The following MANBA variants were observed in gnomAD, a reference collection of about 807,000 sequenced individuals.
MANBA encodes beta-mannosidase.
In MANBA, 83 loss-of-function variants were observed where a neutral mutation model predicts 111.1. That is an observed-to-expected ratio of 0.75 (90% CI 0.63 to 0.90). The LOEUF (loss-of-function observed/expected upper bound fraction) is 0.90, where lower values mean the gene tolerates loss of function less well. Among genes scored for constraint, MANBA ranks in the 40% least tolerant of loss-of-function variants. The pLI is 0.00. For synonymous variants in MANBA, 370 were observed against 378.7 expected (o/e 0.98, Z 0.27); for missense variants, 1,036 against 1,069.0 (o/e 0.97, Z 0.43).
chr4:102,677,717 A>G (rs1731787886), intron 7 of MANBA, among the ~76,000 whole-genome samples: 2 of 152,186 alleles, frequency 1.3e-5, no homozygotes, highest in African/African-American at 4.8e-5. Context: ...GAAACAACAT[A>G]TTGCAAATTG....
chr4:102,643,580 A>C (rs1001397021), intron 13 of MANBA, among the ~76,000 whole-genome samples: 1 of 152,108 alleles, frequency 6.6e-6, no homozygotes, highest in Non-Finnish European at 1.5e-5. Flanking sequence ...CTTTTTTAAA[A>C]ATTTGTAGAT....
chr4:102,716,957 T>G (rs1010092869), intron 4 of MANBA, among the ~76,000 whole-genome samples: 3 of 152,248 alleles, frequency 2.0e-5, no homozygotes, highest in Admixed American at 2.0e-4. Flanking sequence ...CACATCTGTC[T>G]AAATTTACCA....
rs1729387850 is a variant in MANBA, at chr4:102,631,816, A to T, written c.*241T>A. 3 of 604,616 alleles carry T rather than the reference A, an allele frequency of 5.0e-6. No individual in the cohort carries two copies. Among genetic ancestry groups the T allele is most frequent in the Non-Finnish European group, 2.9e-6 (1 of 340,546 alleles). 37.5% of individuals were successfully genotyped at this position (604,616 alleles called of 1,614,324 possible). ...AGCTGAGAGGTGAAGGGCTAAAAAC[A>T]CAGTCCTGGCACAGATTCCAGGACA... On this transcript the variant is annotated 3_prime_UTR_variant, in exon 17 of 17. Transcript: ENST00000647097.
intron 5 of MANBA, among the ~76,000 whole-genome samples, chr4:102,710,502 T>C (rs1414383414): frequency 6.6e-6 from 1 of 152,108 alleles, no homozygotes; most frequent in East Asian, 1.9e-4. Context: ...ATGAAATAAA[T>C]TGAAGAGGTC....
chr4:102,676,766 A>C (rs1731746634), intron 7 of MANBA, among the ~76,000 whole-genome samples: 1 of 152,206 alleles, frequency 6.6e-6, no homozygotes, highest in Non-Finnish European at 1.5e-5. Context: ...TAATTTTTTG[A>C]ATAATATCCT....
intron 1 of MANBA, among the ~76,000 whole-genome samples, chr4:102,756,545 G>A (rs1724026776): frequency 6.6e-6 from 1 of 151,854 alleles, no homozygotes; most frequent in Non-Finnish European, 1.5e-5. Context: ...GGGTCAACGG[G>A]TGCAGCACAC....
At chr4:102,710,363 A>G (rs905962164) in intron 5 of MANBA, among the ~76,000 whole-genome samples, 4 of 152,194 alleles carry the variant, frequency 2.6e-5, no homozygotes, top group African/African-American at 9.6e-5. Flanking sequence ...CTACACATCA[A>G]TGATGAACTA....
intron 1 of MANBA, chr4:102,734,585 G>T: frequency 6.2e-7 from 1 of 1,606,992 alleles, no homozygotes; most frequent in South Asian, 1.1e-5. Context: ...TGAACAAGAG[G>T]CCCAAGAAAG....
rs142678566 is a variant in MANBA at position 102,745,267 on chromosome 4, T to C, written c.177+15451A>G. 9.8e-4 allele frequency among the ~76,000 whole-genome samples: 149 copies of C among 152,256 alleles called. 1 individual carries two copies. Among genetic ancestry groups the C allele is most frequent in the African/African-American group, 3.5e-3 (146 of 41,554 alleles). On this transcript the variant is annotated intron_variant, in intron 1 of 16. Coordinates refer to ENST00000647097, the MANE Select transcript of MANBA (RefSeq NM_005908.4). ...TCCTTGGGGAAGGATGGGAGAAATA[T>C]TAACAGCATAAATAGTCACTAGCAT...
At chr4:102,675,453 G>C (rs150836185) in intron 7 of MANBA, among the ~76,000 whole-genome samples, 1 of 152,200 alleles carries the variant, frequency 6.6e-6, no homozygotes, top group Non-Finnish European at 1.5e-5. Flanking sequence ...TACTTTTACT[G>C]TGCTCTTACT....
At chr4:102,634,210 C>A (rs1381796796) in intron 16 of MANBA, among the ~76,000 whole-genome samples, 1 of 152,204 alleles carries the variant, frequency 6.6e-6, no homozygotes, top group East Asian at 1.9e-4. Context: ...ACATCCTGAT[C>A]ATCCCATTTT....
intron 12 of MANBA, 146 bp downstream of exon 12, chr4:102,657,536 A>T (rs1200891382): frequency 6.9e-6 from 5 of 720,804 alleles, no homozygotes; most frequent in Non-Finnish European, 1.2e-5. Flanking sequence ...CCAAAGGTTT[A>T]AAAAAATTAT....
chr4:102,634,734 A>G, intron 16 of MANBA, 54 bp downstream of exon 16: 3 of 1,610,112 alleles, frequency 1.9e-6, no homozygotes, highest in Non-Finnish European at 2.5e-6. Flanking sequence ...GCCCAAGAGC[A>G]GGAGAACCCC....
intron 1 of MANBA, chr4:102,734,265 T>A: frequency 1.6e-6 from 2 of 1,278,236 alleles, no homozygotes; most frequent in Non-Finnish European, 2.1e-6. Flanking sequence ...ACCTACAAAG[T>A]CTACTCTTCC....
At chr4:102,649,847 C>T (rs966729927) in intron 13 of MANBA, among the ~76,000 whole-genome samples, 3 of 152,206 alleles carry the variant, frequency 2.0e-5, no homozygotes, top group South Asian at 2.1e-4. Flanking sequence ...CATGTTTTCT[C>T]GAAGCTTTAT....
chr4:102,730,445 C>T (rs764834263), intron 1 of MANBA: 18 of 487,752 alleles, frequency 3.7e-5, no homozygotes, highest in Admixed American at 1.3e-4. Context: ...GCAGAGTATT[C>T]GGGGTAAGGG....
chr4:102,718,458 G>T (rs377360623), intron 4 of MANBA, among the ~76,000 whole-genome samples: 1 of 152,172 alleles, frequency 6.6e-6, no homozygotes, highest in Admixed American at 6.5e-5. Flanking sequence ...ACAGAGAAAG[G>T]CCCTATAATA....
intron 5 of MANBA, among the ~76,000 whole-genome samples, chr4:102,695,425 C>T (rs1450013855): frequency 6.6e-6 from 1 of 152,130 alleles, no homozygotes; most frequent in Admixed American, 6.6e-5. Context: ...CTGAACCTTG[C>T]TTTAATTGAT....
In MANBA at chr4:102,757,990, C is replaced by T. The variant is rs183639776; in HGVS notation, c.177+2728G>A. On this transcript the variant is annotated intron_variant, in intron 1 of 16. Coordinates refer to ENST00000647097, the MANE Select transcript of MANBA (RefSeq NM_005908.4). The stretch of plus-strand genomic sequence containing the variant: ...CCTCAGGGCCTCTATCCTCCCCACT[C>T]CTGTGTTTTTCCTCTTTGCTGGAAA... Among the ~76,000 whole-genome samples, 130 of 152,342 alleles carry T rather than the reference C, an allele frequency of 8.5e-4. 1 individual carries two copies. The highest frequency in any genetic ancestry group is 6.8e-3 in the Middle Eastern group (2 of 294).
Sources: gnomAD v4.1 joint callset for allele counts (sites outside exome capture counted in the v4.1 genomes callset) on GRCh38, gnomAD v4.1.1 for gene constraint, MANE v1.5 for transcripts, NCBI Gene and HGNC (gene_info 2026-07-23, HGNC 2026-07-21) for gene names.